The following MARK4 variants were observed in gnomAD, a reference collection of about 807,000 sequenced individuals.
The protein encoded by MARK4 is MAP/microtubule affinity-regulating kinase 4.
Under a neutral mutation model 81.5 loss-of-function variants are expected in MARK4, and 19 were observed. That is an observed-to-expected ratio of 0.23 (90% confidence interval 0.16 to 0.34). MARK4 has a LOEUF of 0.34. Among genes scored for constraint, MARK4 ranks in the 10% least tolerant of loss-of-function variants. The pLI is 1.00. For synonymous variants in MARK4, 436 were observed against 439.0 expected, an observed-to-expected ratio of 0.99 and a Z score of 0.08; for missense variants, 772 against 1,058.8, an observed-to-expected ratio of 0.73 and a Z score of 3.76.
At chr19:45,278,756 G>A (rs1283012734) in intron 10 of MARK4, 141 bp downstream of exon 10, 25 of 629,602 alleles carry the variant, frequency 4.0e-5, no homozygotes, top group Non-Finnish European at 6.1e-5. Flanking sequence ...GGCGCCTGCC[G>A]CCATGCCCGG....
intron 1 of MARK4, among the ~76,000 whole-genome samples, chr19:45,255,042 A>C (rs1003763160): frequency 6.6e-6 from 1 of 152,088 alleles, no homozygotes; most frequent in Non-Finnish European, 1.5e-5. Flanking sequence ...CTCTACAAAA[A>C]AATTTAAAAA....
chr19:45,251,890 T>C (rs1031057145), intron 1 of MARK4, among the ~76,000 whole-genome samples: 2 of 151,324 alleles, frequency 1.3e-5, no homozygotes, highest in African/African-American at 4.9e-5. Context: ...TCCGCTCGGG[T>C]CTGTTCCCTC....
At chr19:45,265,986 G>A (rs932953469) in intron 6 of MARK4, among the ~76,000 whole-genome samples, 3 of 152,012 alleles carry the variant, frequency 2.0e-5, no homozygotes, top group Admixed American at 1.3e-4. Flanking sequence ...GGTCAAGAGA[G>A]GCTGGTCCCC....
intron 10 of MARK4, among the ~76,000 whole-genome samples, chr19:45,279,280 GC>G (rs1200741664): frequency 6.6e-6 from 1 of 152,082 alleles, no homozygotes; most frequent in Non-Finnish European, 1.5e-5. Flanking sequence ...ACTTTGGGAG[GC>G]TGAGGCTGAC....
At chr19:45,257,691 T>A (rs1255893110) in intron 1 of MARK4, among the ~76,000 whole-genome samples, 6 of 78,264 alleles carry the variant, frequency 7.7e-5, no homozygotes, top group South Asian at 3.1e-4. Context: ...CCCATAATAT[T>A]TTTTTTTTTT....
intron 16 of MARK4, among the ~76,000 whole-genome samples, chr19:45,300,371 G>C (rs1201539224): frequency 5.6e-3 from 144 of 25,508 alleles, no homozygotes; most frequent in East Asian, 0.034. Flanking sequence ...AAAAAAAAAA[G>C]CCTCATCCCA....
intron 9 of MARK4, among the ~76,000 whole-genome samples, 163 bp from the exon 10 acceptor site, chr19:45,278,353 G>A (rs576967958): frequency 1.3e-5 from 2 of 152,180 alleles, no homozygotes; most frequent in South Asian, 2.1e-4. Flanking sequence ...AGGAGGCTCC[G>A]GCAGGGGACG....
At chr19:45,252,147 T>C (rs911562948) in intron 1 of MARK4, among the ~76,000 whole-genome samples, 2 of 151,912 alleles carry the variant, frequency 1.3e-5, no homozygotes, top group East Asian at 2.0e-4. Context: ...TTCCCAGCCC[T>C]CTGCCCCTCC....
intron 16 of MARK4, among the ~76,000 whole-genome samples, chr19:45,301,814 G>A (rs1191919831): frequency 6.9e-6 from 1 of 145,484 alleles, no homozygotes; most frequent in Non-Finnish European, 1.5e-5. Context: ...GTGGTGAGCC[G>A]AGATCGTTCC....
chr19:45,292,498 C>G (rs537924050), intron 13 of MARK4, among the ~76,000 whole-genome samples: 1 of 152,280 alleles, frequency 6.6e-6, no homozygotes, highest in South Asian at 2.1e-4. Context: ...GCACAGTAAG[C>G]ACTCAGTGAA....
chr19:45,263,583 A>G (rs1970408994), intron 4 of MARK4, among the ~76,000 whole-genome samples: 1 of 151,966 alleles, frequency 6.6e-6, no homozygotes, highest in Non-Finnish European at 1.5e-5. Context: ...CTCTACTGAA[A>G]ATACAAAAAT....
Position 45,294,407 on chromosome 19 carries a change from CG to C in MARK4, c.1558del (p.Ala520LeufsTer100). On this transcript the variant is annotated frameshift_variant, in exon 14 of 17. Transcript: ENST00000262891. LOFTEE classifies it high-confidence loss of function. ...RRNTYVCTER[P>X]GAERPSLLPN... ...AACACCTACGTTTGCACAGAACGCCCGGGGGCTGAGCGCCCGTCACTGTTGC... is the reference window on the plus strand; with the variant it reads ...AACACCTACGTTTGCACAGAACGCCCGGGGCTGAGCGCCCGTCACTGTTGC... 1 of 1,614,074 alleles carries C rather than the reference CG, an allele frequency of 6.2e-7. No homozygotes were observed. Among genetic ancestry groups the C allele is most frequent in the Non-Finnish European group, 8.5e-7 (1 of 1,180,006 alleles).
chr19:45,296,746 G>T (rs1185386485), intron 14 of MARK4, among the ~76,000 whole-genome samples: 1 of 152,182 alleles, frequency 6.6e-6, no homozygotes, highest in Non-Finnish European at 1.5e-5. Flanking sequence ...GAGTCCCTGG[G>T]AGGATAGAAA....
intron 15 of MARK4, chr19:45,298,256 C>T (rs1204336249): frequency 6.2e-7 from 1 of 1,601,174 alleles, no homozygotes; most frequent in African/African-American, 1.3e-5. Flanking sequence ...CTCGCTGGCT[C>T]TGCCTCCCTG....
intron 10 of MARK4, among the ~76,000 whole-genome samples, chr19:45,279,956 C>T (rs557735021): frequency 8.5e-5 from 13 of 152,094 alleles, no homozygotes; most frequent in Admixed American, 3.3e-4. Context: ...GTGATCTGAG[C>T]GGAAAGAATG....
chr19:45,268,538 C>T (rs932595318), intron 7 of MARK4, among the ~76,000 whole-genome samples: 3 of 150,576 alleles, frequency 2.0e-5, no homozygotes, highest in Non-Finnish European at 3.0e-5. Flanking sequence ...GTGCCAAGAT[C>T]GCGCCAGTGC....
chr19:45,299,941 G>A, intron 16 of MARK4, 86 bp downstream of exon 16: 20 of 1,349,778 alleles, frequency 1.5e-5, no homozygotes, highest in East Asian at 2.7e-5. Context: ...ATTAGATGGG[G>A]CCCCAGTCTC....
At position 45,271,183 on chromosome 19, in the gene MARK4, G is replaced by C. The variant is rs1325295735; in HGVS notation, c.550-289G>C. Among the ~76,000 whole-genome samples, 1 of 152,210 alleles carries C rather than the reference G, an allele frequency of 6.6e-6. No homozygotes were observed. The highest frequency in any genetic ancestry group is 1.5e-5 in the Non-Finnish European group (1 of 68,050). On this transcript the variant is annotated intron_variant, in intron 7 of 16. Transcript: ENST00000262891. This position sits in a 1 kb window ranked among gnomAD's most constrained non-coding sequence, Gnocchi z 4.1. ...GGCCTCCCAAAGTGCTGGTATTATA[G>C]GCGTGAGCCACTATGTCTGGCCTGT...
At position 45,260,792 on chromosome 19, in the gene MARK4, C is replaced by T. The variant is rs9676292; in HGVS notation, c.252+1603C>T. On this transcript the variant is annotated intron_variant, in intron 2 of 16. Coordinates refer to ENST00000262891, the MANE Select transcript of MARK4 (RefSeq NM_001199867.2). ...TCTGTTTTAAGGGTGGACTTTGGTT[C>T]CTTGAAATCTTCCTGTGATCTGGAG... 3.2e-3 allele frequency among the ~76,000 whole-genome samples: 483 copies of T among 152,218 alleles called. 6 individuals are homozygous for T. Among genetic ancestry groups the T allele is most frequent in the African/African-American group, 0.011 (452 of 41,552 alleles).
Sources: allele counts gnomAD v4.1 joint callset (sites outside exome capture counted in the v4.1 genomes callset), GRCh38; gene constraint gnomAD v4.1.1; non-coding constraint Gnocchi (gnomAD v3.1); transcripts MANE v1.5; gene names NCBI Gene and HGNC (gene_info 2026-07-23, HGNC 2026-07-21).